Variants in CLIP2 observed in about 807,000 individuals in gnomAD.
CLIP2 encodes the protein CAP-Gly domain containing linker protein 2, also known as CAP-Gly domain-containing linker protein 2.
A neutral mutation model predicts 111.7 loss-of-function variants in CLIP2; 41 were observed. The ratio of observed to expected loss-of-function variants is 0.37; its 90% CI spans 0.29 to 0.48. The LOEUF (loss-of-function observed/expected upper bound fraction) is 0.48. CLIP2 is among the 20% of genes least tolerant of loss of function. The pLI, the probability that CLIP2 is intolerant of heterozygous loss-of-function variation, is 0.99. For missense variants in CLIP2, 1,160 were observed against 1,422.1 expected (o/e 0.82, Z 2.96); for synonymous variants, 660 against 644.2 (o/e 1.02, Z -0.37).
intron 1 of CLIP2, among the ~76,000 whole-genome samples, chr7:74,308,782 C>T (rs892551211): frequency 6.6e-6 from 1 of 151,938 alleles, no homozygotes. Context: ...TGCTTATGGG[C>T]TGTTTATATA....
chr7:74,380,975 C>T, intron 11 of CLIP2, 112 bp downstream of exon 11: 2 of 1,034,934 alleles, frequency 1.9e-6, no homozygotes, highest in African/African-American at 1.6e-5. Context: ...TGGTAAGAGT[C>T]ACCTCCTGTG....
intron 9 of CLIP2, among the ~76,000 whole-genome samples, 199 bp downstream of exon 9, chr7:74,373,235 C>T (rs1790687132): frequency 1.3e-5 from 2 of 152,042 alleles, no homozygotes; most frequent in Admixed American, 6.6e-5. Flanking sequence ...CGGTGGCTCA[C>T]GCCTGTAATC....
At chr7:74,333,178 G>A (rs1789347628) in intron 2 of CLIP2, among the ~76,000 whole-genome samples, 1 of 152,086 alleles carries the variant, frequency 6.6e-6, no homozygotes, top group Admixed American at 6.6e-5. Flanking sequence ...ACTGCATGTA[G>A]GAGGTTTATT....
At chr7:74,355,905 A>G (rs2116605381) in intron 4 of CLIP2, among the ~76,000 whole-genome samples, 1 of 152,292 alleles carries the variant, frequency 6.6e-6, no homozygotes, top group South Asian at 2.1e-4. Context: ...GTCTGAGGGT[A>G]GCCTGAAAGT....
chr7:74,390,162 G>GAAGAAAGAAAGAAAGAAAGAAAGAAAGA (rs200256078), intron 13 of CLIP2, among the ~76,000 whole-genome samples: 1 of 84,918 alleles, frequency 1.2e-5, no homozygotes, highest in African/African-American at 4.3e-5. Context: ...AAGAAAGAAA[G>GAAGAAAGAAAGAAAGAAAGAAAGAAAGA]AAGAAAGAAA....
At chr7:74,393,484 G>A (rs1279668672) in intron 13 of CLIP2, among the ~76,000 whole-genome samples, 4 of 151,950 alleles carry the variant, frequency 2.6e-5, no homozygotes, top group Non-Finnish European at 5.9e-5. Flanking sequence ...TTACAGGCAT[G>A]TGCCACCATG....
chr7:74,360,244 G>T lies in CLIP2; in HGVS notation c.1285G>T (p.Val429Leu), dbSNP rs1790289454. The change falls in exon 7 of 17, where the codon GTG becomes TTG. Residue 429 changes from valine (V) to leucine (L), a missense_variant. This residue lies in a region of CLIP2 where 70 missense variants were observed against 114.9 expected (regional missense o/e 0.61). Transcript: ENST00000223398. ...LLVESVRKEK[V>L]DLSNQLEEER... ...CGTGGAGAGCGTGCGGAAAGAGAAG[G>T]TGGACCTGTCCAACCAGCTGGAGGA... The T allele has an allele frequency of 6.8e-6, 11 of 1,606,114 alleles. No homozygotes were observed. The highest frequency in any genetic ancestry group is 9.3e-6 in the Non-Finnish European group (11 of 1,176,500).
intron 1 of CLIP2, among the ~76,000 whole-genome samples, chr7:74,297,627 A>G (rs1679886895): frequency 6.6e-6 from 1 of 152,002 alleles, no homozygotes; most frequent in Non-Finnish European, 1.5e-5. Flanking sequence ...GGAACACTCC[A>G]TGCCTTGCGT....
rs146456898 is a variant in CLIP2 at position 74,333,277 on chromosome 7, G to A, written c.122-5171G>A. 1.1e-4 allele frequency among the ~76,000 whole-genome samples: 16 copies of A among 151,978 alleles called. 1 individual carries two copies. In the East Asian group the frequency reaches 3.1e-3, roughly 29 times the overall value. ...CAGCTCACTGAAACCTCCGTCTCCT[G>A]GGCTTAAGCGATTCTCCTGCCTCAG... On this transcript the variant is annotated intron_variant, in intron 2 of 16. Coordinates refer to ENST00000223398, the MANE Select transcript of CLIP2 (RefSeq NM_003388.5).
intron 4 of CLIP2, 115 bp downstream of exon 4, chr7:74,354,119 C>T (rs1790087011): frequency 7.8e-7 from 1 of 1,281,082 alleles, no homozygotes; most frequent in Admixed American, 2.2e-5. Flanking sequence ...GTGTCAGACA[C>T]CATAAGTCCT....
chr7:74,357,226 G>A, intron 5 of CLIP2, 54 bp from the exon 6 acceptor site: 1 of 1,528,608 alleles, frequency 6.5e-7, no homozygotes, highest in Middle Eastern at 1.7e-4. Context: ...GAGCCAGTCT[G>A]CCCTGCAGTG....
Position 74,338,826 on chromosome 7 carries a change from A to G in CLIP2, c.500A>G (p.Gln167Arg), listed in dbSNP as rs1554732715. 6.2e-7 allele frequency: 1 copy of G among 1,611,216 alleles called. No homozygotes were observed. The highest frequency in any genetic ancestry group is 1.7e-5 in the Admixed American group (1 of 60,010). Reference sequence around the variant, plus strand: ...CACTCCGTGGAGTCGCTGACTGCCCAGAACCTGTCATTGCATTCGGGCACG... The same window carrying G: ...CACTCCGTGGAGTCGCTGACTGCCCGGAACCTGTCATTGCATTCGGGCACG... ...DAHSVESLTA[Q>R]NLSLHSGTAT... The change falls in exon 3 of 17, where the codon CAG (glutamine) becomes CGG (arginine). Residue 167 changes from glutamine to arginine, a missense_variant. Physicochemically the swap from Gln to Arg is conservative, Grantham distance 43. Around this residue, in one of 5 missense-constraint regions of CLIP2, gnomAD observed 301 missense variants for 315.2 expected, o/e 0.96. Transcript: ENST00000223398. The surrounding 1 kb of genome is among the most constrained non-coding windows in gnomAD (Gnocchi z 4.3).
intron 7 of CLIP2, 58 bp from the exon 8 acceptor site, chr7:74,364,197 G>T: frequency 4.6e-6 from 7 of 1,506,936 alleles, no homozygotes. Context: ...TTGCTCATTC[G>T]GTGAATCCCG....
At chr7:74,342,847 A>G (rs1298402586) in intron 3 of CLIP2, among the ~76,000 whole-genome samples, 1 of 152,088 alleles carries the variant, frequency 6.6e-6, no homozygotes, top group African/African-American at 2.4e-5. Flanking sequence ...GGAGATCGAG[A>G]CCATGGTGAA....
chr7:74,333,605 C>A (rs1789363035), intron 2 of CLIP2, among the ~76,000 whole-genome samples: 1 of 152,310 alleles, frequency 6.6e-6, no homozygotes, highest in African/African-American at 2.4e-5. Flanking sequence ...CCTCAGCCTC[C>A]CGAGTAGCTG....
intron 1 of CLIP2, among the ~76,000 whole-genome samples, chr7:74,297,013 G>T (rs1381707454): frequency 1.3e-5 from 2 of 152,148 alleles, no homozygotes; most frequent in Non-Finnish European, 2.9e-5. Flanking sequence ...TCAGCAGTGG[G>T]TCGCCTTTCT....
intron 8 of CLIP2, among the ~76,000 whole-genome samples, chr7:74,366,875 C>CAAAAAAA (rs35336151): frequency 1.5e-5 from 1 of 66,110 alleles, no homozygotes; most frequent in African/African-American, 6.9e-5. Flanking sequence ...GACTCCTTCT[C>CAAAAAAA]AAAAAAAAAA....
chr7:74,291,339 G>T (rs1554725347), intron 1 of CLIP2, among the ~76,000 whole-genome samples: 1 of 152,158 alleles, frequency 6.6e-6, no homozygotes, highest in Non-Finnish European at 1.5e-5. Context: ...TGCACTCAGA[G>T]CCCAAAGTCC....
intron 13 of CLIP2, among the ~76,000 whole-genome samples, chr7:74,391,955 C>T (rs2116695691): frequency 6.6e-6 from 1 of 152,226 alleles, no homozygotes; most frequent in Non-Finnish European, 1.5e-5. Flanking sequence ...ACCTGAAATC[C>T]CAGCACTTTG....
Sources: allele counts gnomAD v4.1 joint callset (sites outside exome capture counted in the v4.1 genomes callset), GRCh38; gene constraint gnomAD v4.1.1; regional missense constraint gnomAD v4.1.1; non-coding constraint Gnocchi (gnomAD v3.1); transcripts MANE v1.5; gene names NCBI Gene and HGNC (gene_info 2026-07-23, HGNC 2026-07-21).